The following LUZP1 variants were observed in gnomAD, a reference collection of about 807,000 sequenced individuals.
LUZP1 encodes the protein filamin mechanobinding actin cross-linking protein.
In LUZP1, 25 loss-of-function variants were observed where a neutral mutation model predicts 71.3. The ratio of observed to expected loss-of-function variants is 0.35; its 90% CI spans 0.26 to 0.49. The LOEUF (loss-of-function observed/expected upper bound fraction) is 0.49, where lower values mean the gene tolerates loss of function less well. Among genes scored for constraint, LUZP1 ranks in the 20% least tolerant of loss-of-function variants. The pLI is 0.99. For synonymous variants in LUZP1, 481 were observed against 506.4 expected (o/e 0.95, Z 0.67); for missense variants, 1,142 against 1,300.8 (o/e 0.88, Z 1.88).
chr1:23,091,973 C>T (rs994544703), exon 4 of LUZP1: 2 of 1,614,000 alleles, frequency 1.2e-6, no homozygotes, highest in Admixed American at 1.7e-5. Flanking sequence ...TTTTCACATC[C>T]TTATCAACAA....
In LUZP1 at chr1:23,092,215, C is replaced by G. The variant is rs1353372053; in HGVS notation, c.2047G>C (p.Glu683Gln). ...CTAGAGTTAGGCTGTGGTTTGGGCT[C>G]TGGCTCTGGAGTGATGGTTGTATTT... The change falls in exon 4 of 5, where the codon GAG becomes CAG. Residue 683 changes from glutamate (E) to glutamine (Q), a missense_variant. Physicochemically the swap from Glu to Gln is conservative, Grantham distance 29. Transcript: ENST00000302291. 2 of 1,614,000 alleles carry G rather than the reference C, an allele frequency of 1.2e-6. No individual in the cohort carries two copies. Among genetic ancestry groups the G allele is most frequent in the East Asian group, 4.5e-5 (2 of 44,894 alleles).
intron 2 of LUZP1, among the ~76,000 whole-genome samples, chr1:23,145,669 C>T (rs772945573): frequency 1.6e-4 from 25 of 151,918 alleles, no homozygotes; most frequent in Non-Finnish European, 2.9e-4. Flanking sequence ...AGGGTTTCAT[C>T]GTTATTGGTC....
At chr1:23,163,504 T>A (rs182853854) in intron 2 of LUZP1, among the ~76,000 whole-genome samples, 95 of 147,278 alleles carry the variant, frequency 6.5e-4, no homozygotes, top group African/African-American at 2.3e-3. Flanking sequence ...TGCTGTGAGC[T>A]ATGACTGCCA....
chr1:23,087,007 G>A (rs888076286), exon 5 of LUZP1: 1 of 152,242 alleles, frequency 6.6e-6, no homozygotes, highest in Admixed American at 6.5e-5. Context: ...AGGCAGAGAA[G>A]ACAAATTCCT....
intron 3 of LUZP1, among the ~76,000 whole-genome samples, chr1:23,100,639 A>T (rs1311656181): frequency 6.6e-6 from 1 of 152,174 alleles, no homozygotes; most frequent in African/African-American, 2.4e-5. Flanking sequence ...GTAGCTAAAG[A>T]TCATTTAGTC....
intron 2 of LUZP1, chr1:23,133,736 C>CTAAG (rs1301452457): frequency 2.0e-5 from 3 of 151,642 alleles, no homozygotes; most frequent in Non-Finnish European, 4.4e-5. Flanking sequence ...GCACTTCAGC[C>CTAAG]TAAGCAACAG....
intron 2 of LUZP1, among the ~76,000 whole-genome samples, chr1:23,112,796 C>G (rs1644044286): frequency 6.6e-6 from 1 of 152,090 alleles, no homozygotes; most frequent in Non-Finnish European, 1.5e-5. Context: ...CCCAGAGCAG[C>G]CACAGATCAT....
At chr1:23,150,361 CA>C (rs1488836165) in intron 2 of LUZP1, among the ~76,000 whole-genome samples, 1 of 152,130 alleles carries the variant, frequency 6.6e-6, no homozygotes, top group Admixed American at 6.6e-5. Context: ...ACTAGAACTA[CA>C]ATGATTGCTC....
intron 2 of LUZP1, among the ~76,000 whole-genome samples, chr1:23,154,709 A>ATTTTT (rs1191570803): frequency 8.0e-5 from 10 of 125,604 alleles, no homozygotes; most frequent in African/African-American, 1.6e-4. Context: ...CACCTGGCTA[A>ATTTTT]TTTTTTTTTT....
intron 2 of LUZP1, among the ~76,000 whole-genome samples, chr1:23,149,960 CAAAAAAAAA>C (rs66680455): frequency 2.6e-5 from 2 of 75,766 alleles, no homozygotes; most frequent in Non-Finnish European, 4.7e-5. Flanking sequence ...GACTCCGTCT[CAAAAAAAAA>C]AAAAAAAAAA....
chr1:23,133,221 A>C (rs1644228254), intron 2 of LUZP1, among the ~76,000 whole-genome samples: 1 of 152,260 alleles, frequency 6.6e-6, no homozygotes, highest in Non-Finnish European at 1.5e-5. Flanking sequence ...ATATACGAAC[A>C]GATCTTTCTA....
intron 3 of LUZP1, among the ~76,000 whole-genome samples, chr1:23,099,075 C>A (rs1643912226): frequency 6.6e-6 from 1 of 152,182 alleles, no homozygotes; most frequent in Non-Finnish European, 1.5e-5. Flanking sequence ...CTCTTTTGGT[C>A]CCCCTTCTCC....
chr1:23,163,283 A>G lies in LUZP1; in HGVS notation c.-226+5483T>C, dbSNP rs934119811. On this transcript the variant is annotated intron_variant, in intron 2 of 4. Coordinates refer to ENST00000302291, the Ensembl canonical transcript of LUZP1. Reference sequence around the variant, plus strand: ...AGCATGTTGGGGCCAGGTGCCACTCATGCTTGTAATCCCAACACTCTGGGA... The same window carrying G: ...AGCATGTTGGGGCCAGGTGCCACTCGTGCTTGTAATCCCAACACTCTGGGA... Among the ~76,000 whole-genome samples the G allele has an allele frequency of 8.0e-5, 12 of 150,254 alleles. No homozygotes were observed. The Admixed American group carries it at 8.0e-4, about 10-fold the overall frequency.
In LUZP1 at chr1:23,154,149, G is replaced by A. The variant is rs191515852; in HGVS notation, c.-226+14617C>T. Among the ~76,000 whole-genome samples the A allele has an allele frequency of 1.2e-4, 18 of 152,260 alleles. No homozygotes were observed. The East Asian group carries it at 1.9e-3, about 16-fold the overall frequency. ...CAAAACGATAGGAATAGAAAACAAC[G>A]CAGTGGTTGCCTGAGGGTAAGAATT... On this transcript the variant is annotated intron_variant, in intron 2 of 4. Coordinates refer to ENST00000302291, the Ensembl canonical transcript of LUZP1.
chr1:23,094,230 G>A lies in LUZP1; in HGVS notation c.32C>T (p.Ala11Val), dbSNP rs368769736. Residue 11 changes from alanine to valine, a missense_variant, in exon 4 of 5, where the codon GCC (alanine) becomes GTC (valine). Coordinates refer to ENST00000302291, the Ensembl canonical transcript of LUZP1. This position sits in a 1 kb window ranked among gnomAD's most constrained non-coding sequence, Gnocchi z 4.7. ...CTTAAACCGCAAGTGGCGGCTGGAGGCCGTCTCCTTGTAGCTTGTAAATTC... is the reference window on the plus strand; with the variant it reads ...CTTAAACCGCAAGTGGCGGCTGGAGACCGTCTCCTTGTAGCTTGTAAATTC... 34 of 1,612,664 alleles carry A rather than the reference G, an allele frequency of 2.1e-5. No homozygotes were observed. The highest frequency in any genetic ancestry group is 2.7e-5 in the African/African-American group (2 of 74,772).
intron 2 of LUZP1, among the ~76,000 whole-genome samples, chr1:23,112,579 C>T (rs1309927153): frequency 6.6e-6 from 1 of 152,190 alleles, no homozygotes. Context: ...CAGTATGACC[C>T]TCCCACAGAC....
intron 4 of LUZP1, 78 bp downstream of exon 3, chr1:23,091,112 G>A: frequency 7.1e-7 from 1 of 1,400,168 alleles, no homozygotes. Context: ...ACACAGGCCA[G>A]AGCAGAGGGG....
exon 4 of LUZP1, chr1:23,091,586 A>T: frequency 6.2e-7 from 1 of 1,614,154 alleles, no homozygotes; most frequent in Non-Finnish European, 8.5e-7. Context: ...CTGGAGGTGC[A>T]TGGCTATTCC....
At chr1:23,111,601 C>T (rs925388427) in intron 2 of LUZP1, among the ~76,000 whole-genome samples, 2 of 152,218 alleles carry the variant, frequency 1.3e-5, no homozygotes, top group African/African-American at 4.8e-5. Flanking sequence ...AGGCGGCACC[C>T]AAGAGATAGC....
Sources: gnomAD v4.1 joint callset for allele counts (sites outside exome capture counted in the v4.1 genomes callset) on GRCh38, gnomAD v4.1.1 for gene constraint, Gnocchi (gnomAD v3.1) non-coding constraint, MANE v1.5 for transcripts, NCBI Gene and HGNC (gene_info 2026-07-23, HGNC 2026-07-21) for gene names.